The following THADA variants were observed in gnomAD, a reference collection of about 807,000 sequenced individuals.
THADA encodes the protein tRNA (32-2'-O)-methyltransferase regulator THADA.
In THADA, 213 loss-of-function variants were observed where a neutral mutation model predicts 219.8. That is an observed-to-expected ratio of 0.97 (90% confidence interval 0.87 to 1.09). The LOEUF (loss-of-function observed/expected upper bound fraction) is 1.09. THADA is among the 50% of genes least tolerant of loss of function. The probability of loss-of-function intolerance (pLI) is 0.00; values close to 1 mark genes in which losing one functional copy is unlikely to be tolerated. For missense variants in THADA, 2,956 were observed against 2,311.3 expected, an observed-to-expected ratio of 1.28 and a Z score of -5.72; for synonymous variants, 1,018 against 828.9, an observed-to-expected ratio of 1.23 and a Z score of -3.92.
intron 13 of THADA, among the ~76,000 whole-genome samples, 169 bp downstream of exon 13, chr2:43,571,538 G>GT (rs565580064): frequency 5.1e-4 from 78 of 152,172 alleles, no homozygotes; most frequent in Non-Finnish European, 9.9e-4. Flanking sequence ...AATCCCAAAT[G>GT]TAAGCTTTAT....
intron 22 of THADA, among the ~76,000 whole-genome samples, chr2:43,523,155 A>G (rs1692706457): frequency 6.6e-6 from 1 of 152,138 alleles, no homozygotes. Flanking sequence ...GCTTGAGCCC[A>G]GGAGTTCGAG....
At chr2:43,464,118 G>A (rs1465412587) in intron 26 of THADA, among the ~76,000 whole-genome samples, 1 of 152,082 alleles carries the variant, frequency 6.6e-6, no homozygotes, top group Admixed American at 6.5e-5. Context: ...ACTTTTGTAT[G>A]CAACAGTTTT....
intron 36 of THADA, among the ~76,000 whole-genome samples, chr2:43,235,900 G>A (rs1220347370): frequency 6.6e-6 from 1 of 150,916 alleles, no homozygotes; most frequent in African/African-American, 2.4e-5. Context: ...TCCGTCTCCC[G>A]GGTTCATGCC....
chr2:43,474,652 G>C (rs1282844834), intron 26 of THADA, among the ~76,000 whole-genome samples: 1 of 152,100 alleles, frequency 6.6e-6, no homozygotes, highest in Non-Finnish European at 1.5e-5. Flanking sequence ...TGCTTATAGG[G>C]GGCAAAAGAA....
intron 26 of THADA, among the ~76,000 whole-genome samples, chr2:43,465,914 C>T (rs1015243874): frequency 1.3e-5 from 2 of 152,198 alleles, no homozygotes; most frequent in African/African-American, 2.4e-5. Flanking sequence ...TAAATCCTCG[C>T]TGCTGTAAAT....
intron 29 of THADA, among the ~76,000 whole-genome samples, chr2:43,379,814 G>A (rs894054652): frequency 2.0e-5 from 3 of 152,118 alleles, no homozygotes; most frequent in African/African-American, 7.2e-5. Flanking sequence ...AGGTGAACAG[G>A]GTAAACAAAC....
chr2:43,584,238 G>A (rs1700774270), intron 7 of THADA, among the ~76,000 whole-genome samples: 1 of 151,982 alleles, frequency 6.6e-6, no homozygotes, highest in Non-Finnish European at 1.5e-5. Flanking sequence ...TGAATTTGAG[G>A]TACCTGTAAA....
chr2:43,314,698 T>C (rs1011937226), intron 31 of THADA, among the ~76,000 whole-genome samples: 11 of 152,198 alleles, frequency 7.2e-5, no homozygotes, highest in Non-Finnish European at 1.5e-4. Flanking sequence ...GCAGTTCGGC[T>C]TTTTCTTTCT....
intron 31 of THADA, among the ~76,000 whole-genome samples, chr2:43,295,899 C>T (rs1217731817): frequency 6.7e-6 from 1 of 150,342 alleles, no homozygotes; most frequent in Non-Finnish European, 1.5e-5. Flanking sequence ...CCATCTGGGG[C>T]TGCAGACAAA....
chr2:43,492,768 G>T (rs529880233), intron 25 of THADA, among the ~76,000 whole-genome samples: 68 of 152,280 alleles, frequency 4.5e-4, no homozygotes, highest in African/African-American at 1.6e-3. Flanking sequence ...TGGGATTTCT[G>T]GGCCTATGAT....
intron 15 of THADA, chr2:43,562,250 C>T (rs572025233): frequency 6.6e-6 from 1 of 151,674 alleles, no homozygotes; most frequent in Non-Finnish European, 1.5e-5. Context: ...CCTCTGTTTT[C>T]TTCTCTTTTC....
At chr2:43,564,462 TC>T (rs1698437875) in intron 15 of THADA, 1 of 152,278 alleles carries the variant, frequency 6.6e-6, no homozygotes, top group African/African-American at 2.4e-5. Flanking sequence ...GCCTCCTCTT[TC>T]TTTTGTTTGT....
At chr2:43,367,444 A>C (rs1670291608) in intron 29 of THADA, among the ~76,000 whole-genome samples, 1 of 152,170 alleles carries the variant, frequency 6.6e-6, no homozygotes, top group Admixed American at 6.5e-5. Context: ...GAATTTTCTG[A>C]CTACAGGATT....
intron 28 of THADA, among the ~76,000 whole-genome samples, chr2:43,403,841 A>T (rs1028574900): frequency 1.3e-5 from 2 of 151,734 alleles, no homozygotes; most frequent in African/African-American, 4.8e-5. Flanking sequence ...CACACCCCCT[A>T]AAACCTCTCA....
At chr2:43,583,019 TC>T (rs1281257077) in intron 7 of THADA, among the ~76,000 whole-genome samples, 1 of 152,208 alleles carries the variant, frequency 6.6e-6, no homozygotes, top group African/African-American at 2.4e-5. Flanking sequence ...TCTTCTTTTC[TC>T]CATCTAATTC....
intron 26 of THADA, among the ~76,000 whole-genome samples, chr2:43,444,950 G>A (rs1303237788): frequency 6.6e-6 from 1 of 152,122 alleles, no homozygotes; most frequent in East Asian, 1.9e-4. Context: ...TTATTCACAG[G>A]CCATGGAGCA....
At chr2:43,525,025 C>G (rs1177553714) in intron 22 of THADA, among the ~76,000 whole-genome samples, 4 of 152,126 alleles carry the variant, frequency 2.6e-5, no homozygotes, top group Non-Finnish European at 4.4e-5. Flanking sequence ...TGTTATATCA[C>G]CCAAACTAAT....
At chr2:43,510,096 G>A (rs747532810) in intron 22 of THADA, among the ~76,000 whole-genome samples, 57 of 152,120 alleles carry the variant, frequency 3.7e-4, no homozygotes, top group African/African-American at 9.2e-4. Context: ...ATTTATATAC[G>A]TACTAGATAA....
intron 29 of THADA, among the ~76,000 whole-genome samples, chr2:43,371,297 A>G (rs1670772604): frequency 1.3e-5 from 2 of 152,172 alleles, no homozygotes; most frequent in Admixed American, 6.5e-5. Context: ...AAATTTTTTA[A>G]AAGTAGCAAT....
Sources: gnomAD v4.1 joint callset for allele counts (sites outside exome capture counted in the v4.1 genomes callset) on GRCh38, gnomAD v4.1.1 for gene constraint, MANE v1.5 for transcripts, NCBI Gene and HGNC (gene_info 2026-07-23, HGNC 2026-07-21) for gene names.